RAD54L2: variants seen among roughly 807,000 people sequenced by gnomAD.
RAD54L2 encodes the protein helicase ARIP4.
A neutral mutation model predicts 138.4 loss-of-function variants in RAD54L2; 27 were observed. The observed-to-expected ratio is 0.20, with a 90% confidence interval of 0.14 to 0.27. The LOEUF is 0.27. Among genes scored for constraint, RAD54L2 ranks in the 10% least tolerant of loss-of-function variants. The pLI is 1.00. For synonymous variants in RAD54L2, 644 were observed against 723.2 expected, an observed-to-expected ratio of 0.89 and a Z score of 1.76; for missense variants, 1,396 against 1,890.2, an observed-to-expected ratio of 0.74 and a Z score of 4.85.
At chr3:51,578,640 GA>G (rs1266926041) in intron 2 of RAD54L2, among the ~76,000 whole-genome samples, 1 of 152,220 alleles carries the variant, frequency 6.6e-6, no homozygotes, top group Non-Finnish European at 1.5e-5. Context: ...CTCATCGTGG[GA>G]GGGGGAGCAC....
intron 3 of RAD54L2, among the ~76,000 whole-genome samples, chr3:51,618,120 G>A (rs1408149342): frequency 2.7e-5 from 4 of 150,676 alleles, no homozygotes; most frequent in African/African-American, 7.3e-5. Flanking sequence ...CACCATGCCC[G>A]GCTAATATTT....
intron 19 of RAD54L2, among the ~76,000 whole-genome samples, chr3:51,653,300 T>C (rs543523149): frequency 0.018 from 2,674 of 152,252 alleles, 85 homozygotes; most frequent in African/African-American, 0.061. Context: ...GGAGAGAATG[T>C]GGAGAAATAG....
rs1577474169 is a variant in RAD54L2, at chr3:51,662,002, C to T, written c.3410-424C>T. 6.6e-6 allele frequency among the ~76,000 whole-genome samples: 1 copy of T among 152,326 alleles called. No individual in the cohort carries two copies. Among genetic ancestry groups the T allele is most frequent in the Non-Finnish European group, 1.5e-5 (1 of 68,024 alleles). On this transcript the variant is annotated intron_variant, in intron 22 of 22. Coordinates refer to ENST00000684192, the MANE Select transcript of RAD54L2 (RefSeq NM_015106.4). The surrounding 1 kb of genome is among the most constrained non-coding windows in gnomAD (Gnocchi z 4.6). ...GAGATTTCCCATTTGTCCCAGTTGT[C>T]TTCCATAGCTATGGATTTTGTTTTG...
At chr3:51,628,721 AT>A (rs1184679281) in intron 4 of RAD54L2, among the ~76,000 whole-genome samples, 3 of 147,788 alleles carry the variant, frequency 2.0e-5, no homozygotes, top group Non-Finnish European at 3.0e-5. Flanking sequence ...TGACAACACT[AT>A]TTTTTTTTCT....
intron 3 of RAD54L2, among the ~76,000 whole-genome samples, chr3:51,624,679 C>G (rs997343045): frequency 1.3e-5 from 2 of 152,346 alleles, no homozygotes; most frequent in East Asian, 3.9e-4. Flanking sequence ...ACGGGCATAG[C>G]TGGAGTTCAC....
chr3:51,572,795 C>T (rs541499670), intron 2 of RAD54L2, among the ~76,000 whole-genome samples: 6 of 151,634 alleles, frequency 4.0e-5, no homozygotes, highest in East Asian at 2.0e-4. Context: ...CCTGCCACTA[C>T]GCCCAGCTAA....
chr3:51,575,631 A>G (rs1284784874), intron 2 of RAD54L2, among the ~76,000 whole-genome samples: 1 of 152,146 alleles, frequency 6.6e-6, no homozygotes, highest in African/African-American at 2.4e-5. Flanking sequence ...GAGTTCATTC[A>G]TGATTTGGCT....
chr3:51,556,329 G>A (rs1402127438), intron 2 of RAD54L2, among the ~76,000 whole-genome samples: 1 of 152,074 alleles, frequency 6.6e-6, no homozygotes, highest in East Asian at 1.9e-4. Context: ...AGGCTGTAGT[G>A]CAGTGGTGCA....
chr3:51,558,002 T>C (rs1331260927), intron 2 of RAD54L2, among the ~76,000 whole-genome samples: 1 of 152,010 alleles, frequency 6.6e-6, no homozygotes, highest in African/African-American at 2.4e-5. Context: ...TGTGCCATCA[T>C]GCCCAGCTAA....
intron 3 of RAD54L2, among the ~76,000 whole-genome samples, chr3:51,614,400 G>A (rs1700399518): frequency 6.6e-6 from 1 of 151,920 alleles, no homozygotes; most frequent in Non-Finnish European, 1.5e-5. Context: ...CTGACCTCAA[G>A]CGATCTTTCT....
rs1699454088 is a variant in RAD54L2, at chr3:51,575,324, A to G, written c.-54-15043A>G. Among the ~76,000 whole-genome samples, 6 of 152,198 alleles carry G rather than the reference A, an allele frequency of 3.9e-5. No individual in the cohort carries two copies. In the South Asian group the frequency reaches 1.2e-3, roughly 32 times the overall value. On this transcript the variant is annotated intron_variant, in intron 2 of 22. Coordinates refer to ENST00000684192, the MANE Select transcript of RAD54L2 (RefSeq NM_015106.4). ...TCTTTTTGCTTAGGATTGTCTTGGC[A>G]ATGCAGGCTCTTTTTTGGTTCCATA...
intron 2 of RAD54L2, among the ~76,000 whole-genome samples, chr3:51,560,941 TGTA>T (rs1210925793): frequency 6.6e-6 from 1 of 152,246 alleles, no homozygotes; most frequent in Non-Finnish European, 1.5e-5. Context: ...CTGAAGCTCA[TGTA>T]GCAAAATGAG....
In RAD54L2 at chr3:51,629,462, A is replaced by C. The variant is rs1700782755; in HGVS notation, c.470A>C (p.Glu157Ala). ...GCCCCTATTCCTACTGTTCCGCTGG[A>C]GTTCCTCCCTGGTAAGCAGTGGACA... ...YAAPIPTVPL[E>A]FLPEEIALRA... Residue 157 changes from glutamate (E) to alanine (A), a missense_variant, in exon 5 of 23, where the codon GAG becomes GCG. Glu to Ala is a moderately radical substitution (Grantham distance 107). Around this residue, in one of 7 missense-constraint regions of RAD54L2, gnomAD observed 256 missense variants for 344.6 expected, o/e 0.74. Coordinates refer to ENST00000684192, the MANE Select transcript of RAD54L2 (RefSeq NM_015106.4). The C allele has an allele frequency of 6.2e-7, 1 of 1,612,604 alleles. No homozygotes were observed. The highest frequency in any genetic ancestry group is 8.5e-7 in the Non-Finnish European group (1 of 1,179,458).
intron 18 of RAD54L2, 75 bp from the exon 19 acceptor site, chr3:51,646,210 T>G: frequency 7.3e-7 from 1 of 1,378,668 alleles, no homozygotes; most frequent in East Asian, 2.5e-5. Context: ...GCCAGCTCTT[T>G]TCTTGGTCCT....
At chr3:51,555,787 T>C (rs1404218239) in intron 2 of RAD54L2, among the ~76,000 whole-genome samples, 1 of 152,168 alleles carries the variant, frequency 6.6e-6, no homozygotes, top group Non-Finnish European at 1.5e-5. Flanking sequence ...TCGACAGTAA[T>C]GAAAGAGTAT....
At chr3:51,652,182 A>G (rs1333784324) in intron 19 of RAD54L2, among the ~76,000 whole-genome samples, 2 of 152,208 alleles carry the variant, frequency 1.3e-5, no homozygotes, top group East Asian at 3.8e-4. Flanking sequence ...TCCCATTCAC[A>G]ATTGCTTCAA....
At chr3:51,627,092 C>T (rs1700710481) in intron 3 of RAD54L2, among the ~76,000 whole-genome samples, 1 of 152,072 alleles carries the variant, frequency 6.6e-6, no homozygotes, top group Non-Finnish European at 1.5e-5. Flanking sequence ...TGCCATAAGC[C>T]CTCATGAAAT....
Position 51,645,010 on chromosome 3 carries a change from C to T in RAD54L2, c.2451-14C>T, listed in dbSNP as rs1429832570. 6.2e-7 allele frequency: 1 copy of T among 1,612,672 alleles called. No homozygotes were observed. Among genetic ancestry groups the T allele is most frequent in the East Asian group, 2.2e-5 (1 of 44,884 alleles). ...AGACTAAAGGCTCTGTGATTGTTGG[C>T]TTGTCTTTTAAAGGGCCGGATGCTT... is the stretch of plus-strand genomic sequence containing the variant. On this transcript the variant is annotated splice_polypyrimidine_tract_variant and intron_variant, in intron 16 of 22. Transcript: ENST00000684192. The surrounding 1 kb of genome is among the most constrained non-coding windows in gnomAD (Gnocchi z 6.1).
At chr3:51,606,226 C>G (rs968222779) in intron 3 of RAD54L2, among the ~76,000 whole-genome samples, 9 of 152,078 alleles carry the variant, frequency 5.9e-5, no homozygotes, top group Non-Finnish European at 1.3e-4. Context: ...CTTAAAAGAT[C>G]CTGGGTGGGT....
Sources: allele counts gnomAD v4.1 joint callset (sites outside exome capture counted in the v4.1 genomes callset), GRCh38; gene constraint gnomAD v4.1.1; regional missense constraint gnomAD v4.1.1; non-coding constraint Gnocchi (gnomAD v3.1); transcripts MANE v1.5; gene names NCBI Gene and HGNC (gene_info 2026-07-23, HGNC 2026-07-21).